MGAT4C: variants seen among roughly 807,000 people sequenced by gnomAD.
MGAT4C encodes MGAT4 family member C.
Under a neutral mutation model 40.1 loss-of-function variants are expected in MGAT4C, and 19 were observed. The ratio of observed to expected loss-of-function variants is 0.47; its 90% CI spans 0.33 to 0.70. The LOEUF (loss-of-function observed/expected upper bound fraction) is 0.70, where lower values mean the gene tolerates loss of function less well. Among genes scored for constraint, MGAT4C ranks in the 30% least tolerant of loss-of-function variants. The pLI is 0.02. For synonymous variants in MGAT4C, 181 were observed against 187.1 expected (o/e 0.97, Z 0.27); for missense variants, 491 against 563.2 (o/e 0.87, Z 1.30).
At chr12:86,566,508 T>A (rs1960107781) in intron 2 of MGAT4C, among the ~76,000 whole-genome samples, 1 of 127,686 alleles carries the variant, frequency 7.8e-6, no homozygotes, top group Non-Finnish European at 1.6e-5. Flanking sequence ...ATCATGTGAG[T>A]TAATACTTAG....
chr12:86,020,120 A>G (rs895171439), intron 2 of MGAT4C, among the ~76,000 whole-genome samples: 22 of 152,146 alleles, frequency 1.4e-4, no homozygotes, highest in African/African-American at 4.8e-4. Context: ...CTAGATATAC[A>G]ATCATGTCAT....
At chr12:86,685,301 C>G (rs1235735352) in intron 2 of MGAT4C, among the ~76,000 whole-genome samples, 2 of 152,050 alleles carry the variant, frequency 1.3e-5, no homozygotes, top group African/African-American at 2.4e-5. Context: ...GAATCCTTTC[C>G]CCATTTCTTG....
intron 1 of MGAT4C, among the ~76,000 whole-genome samples, chr12:86,169,046 T>C (rs1324247303): frequency 2.6e-5 from 4 of 152,094 alleles, no homozygotes; most frequent in African/African-American, 9.7e-5. Context: ...CCAAAACATG[T>C]CAAAGTCTCT....
intron 2 of MGAT4C, among the ~76,000 whole-genome samples, chr12:86,618,360 A>G (rs1204511558): frequency 6.6e-6 from 1 of 152,174 alleles, no homozygotes; most frequent in Non-Finnish European, 1.5e-5. Context: ...TCAGTATATC[A>G]GAAGGATACT....
At chr12:86,509,696 T>G (rs1221975883) in intron 2 of MGAT4C, among the ~76,000 whole-genome samples, 1 of 152,212 alleles carries the variant, frequency 6.6e-6, no homozygotes, top group Non-Finnish European at 1.5e-5. Flanking sequence ...CCCATGAGCA[T>G]GAAATGTTCT....
chr12:86,642,833 T>A (rs762526684), intron 2 of MGAT4C, among the ~76,000 whole-genome samples: 5 of 151,650 alleles, frequency 3.3e-5, no homozygotes, highest in Non-Finnish European at 7.4e-5. Flanking sequence ...TGATACCACA[T>A]ATACATTAGG....
rs1883649758 is a variant in MGAT4C at position 85,972,187 on chromosome 12, T to C, written c.*7102A>G. The stretch of plus-strand genomic sequence containing the variant: ...GATATGACTGATTACCAAATTATGG[T>C]GGGTAAAGATGCCACATGCAACAGA... On this transcript the variant is annotated 3_prime_UTR_variant, in exon 5 of 5. Transcript: ENST00000611864. 6.6e-6 allele frequency: 1 copy of C among 151,106 alleles called. No individual in the cohort carries two copies. The highest frequency in any genetic ancestry group is 6.6e-5 in the Admixed American group (1 of 15,106). The allele number at this position is 151,106 out of a possible 1,614,324, so 9.4% of individuals were successfully genotyped here. A position where few individuals can be genotyped will look rare whatever the true frequency, so the allele number is the denominator to read the frequency against.
chr12:86,110,081 AAATGACTGTAT>A (rs1876958985), intron 1 of MGAT4C, among the ~76,000 whole-genome samples: 2 of 150,790 alleles, frequency 1.3e-5, no homozygotes, highest in Admixed American at 1.3e-4. Flanking sequence ...AAGAATGCCA[AAATGACTGTAT>A]AATAGACAGT....
intron 1 of MGAT4C, among the ~76,000 whole-genome samples, chr12:86,135,976 T>A (rs931589121): frequency 6.6e-6 from 1 of 152,146 alleles, no homozygotes; most frequent in African/African-American, 2.4e-5. Context: ...ATAATTTTGT[T>A]CATTTGGACT....
At chr12:86,119,176 A>G (rs921295378) in intron 1 of MGAT4C, among the ~76,000 whole-genome samples, 1 of 152,088 alleles carries the variant, frequency 6.6e-6, no homozygotes, top group Non-Finnish European at 1.5e-5. Flanking sequence ...AATTTTTAAT[A>G]AAATGAGCCT....
chr12:86,300,998 G>T (rs1351732404), intron 4 of MGAT4C, among the ~76,000 whole-genome samples: 1 of 152,182 alleles, frequency 6.6e-6, no homozygotes, highest in Non-Finnish European at 1.5e-5. Context: ...GGTCATAGAA[G>T]AGAGACTCAA....
chr12:86,404,149 C>T (rs1956420442), intron 3 of MGAT4C, among the ~76,000 whole-genome samples: 1 of 152,088 alleles, frequency 6.6e-6, no homozygotes, highest in Non-Finnish European at 1.5e-5. Context: ...CACCACTGCA[C>T]TCCAGCCTGG....
intron 1 of MGAT4C, among the ~76,000 whole-genome samples, chr12:86,093,767 CAACAA>C (rs770103872): frequency 0.011 from 1,172 of 107,330 alleles, 9 homozygotes; most frequent in Non-Finnish European, 0.016. Flanking sequence ...ACAACAACAA[CAACAA>C]CACCTACAAG....
intron 1 of MGAT4C, among the ~76,000 whole-genome samples, chr12:86,096,435 T>C (rs755440382): frequency 2.0e-5 from 3 of 151,156 alleles, no homozygotes; most frequent in African/African-American, 4.8e-5. Flanking sequence ...CTTCCTTTTT[T>C]TTCTTTCTTT....
intron 1 of MGAT4C, among the ~76,000 whole-genome samples, chr12:86,192,594 G>A (rs1338656377): frequency 6.6e-6 from 1 of 152,112 alleles, no homozygotes; most frequent in East Asian, 1.9e-4. Context: ...GCAAAGTGTG[G>A]CCCATGAAGA....
At chr12:86,402,337 A>G (rs1956382212) in intron 3 of MGAT4C, among the ~76,000 whole-genome samples, 1 of 152,076 alleles carries the variant, frequency 6.6e-6, no homozygotes, top group Non-Finnish European at 1.5e-5. Context: ...AGGCAGGATA[A>G]TTACTTGAAC....
rs140530916 is a variant in MGAT4C at position 86,773,945 on chromosome 12, C to CTTTT, written c.-261-46708_-261-46705dup. Among the ~76,000 whole-genome samples the CTTTT allele has an allele frequency of 6.8e-5, 4 of 58,468 alleles. No homozygotes were observed. In the South Asian group the frequency reaches 2.1e-3, roughly 31 times the overall value. The allele number at this position is 58,468 out of a possible 152,430, so 38.4% of individuals were successfully genotyped here. ...GGTTCACATTTTTTTAAAGTAACTT[C>CTTTT]TTTTTTTTTTTTTTTTTTTTTTTTT... On this transcript the variant is annotated intron_variant, in intron 1 of 7. Transcript: ENST00000548651.
intron 2 of MGAT4C, among the ~76,000 whole-genome samples, chr12:86,039,125 A>T (rs959200109): frequency 6.8e-5 from 9 of 131,582 alleles, no homozygotes; most frequent in African/African-American, 1.8e-4. Context: ...GGGTAACCCA[A>T]CCTTTCTCTC....
chr12:86,509,490 A>G (rs1428091250), intron 2 of MGAT4C, among the ~76,000 whole-genome samples: 2 of 152,176 alleles, frequency 1.3e-5, no homozygotes, highest in Non-Finnish European at 2.9e-5. Flanking sequence ...GAAGTCAGGT[A>G]GCGTGATGCC....
Sources: gnomAD v4.1 joint callset for allele counts (sites outside exome capture counted in the v4.1 genomes callset) on GRCh38, gnomAD v4.1.1 for gene constraint, MANE v1.5 for transcripts, NCBI Gene and HGNC (gene_info 2026-07-23, HGNC 2026-07-21) for gene names.